Variants in PLCB1 observed in about 807,000 individuals in gnomAD.
PLCB1 encodes the protein 1-phosphatidylinositol 4,5-bisphosphate phosphodiesterase beta-1.
A neutral mutation model predicts 161.8 loss-of-function variants in PLCB1; 46 were observed. That is an observed-to-expected ratio of 0.28 (90% CI 0.22 to 0.36). The LOEUF is 0.36. Ranked by LOEUF, PLCB1 falls within the 10% of genes least tolerant of loss-of-function variation. The pLI is 1.00. For synonymous variants in PLCB1, 517 were observed against 503.7 expected (o/e 1.03, Z -0.35); for missense variants, 1,016 against 1,472.5 (o/e 0.69, Z 5.07).
chr20:8,151,601 C>G (rs181898122), intron 2 of PLCB1, among the ~76,000 whole-genome samples: 1 of 152,112 alleles, frequency 6.6e-6, no homozygotes, highest in Non-Finnish European at 1.5e-5. Context: ...GTGTTAATCG[C>G]TTTGGCTTAG....
chr20:8,828,977 C>G (rs1985849450), intron 31 of PLCB1, among the ~76,000 whole-genome samples: 2 of 152,060 alleles, frequency 1.3e-5, no homozygotes, highest in Non-Finnish European at 2.9e-5. Context: ...ATAAAGTATT[C>G]TTATTGATGC....
Position 8,572,734 on chromosome 20 carries a change from G to A in PLCB1, c.247-55560G>A, listed in dbSNP as rs539905243. 1.3e-5 allele frequency among the ~76,000 whole-genome samples: 2 copies of A among 152,306 alleles called. 1 individual carries two copies. The highest frequency in any genetic ancestry group is 4.1e-4 in the South Asian group (2 of 4,832). On this transcript the variant is annotated intron_variant, in intron 3 of 31. Coordinates refer to ENST00000338037, the MANE Select transcript of PLCB1 (RefSeq NM_015192.4). ...AACACAAGCTCAAAGATAAAATGAT[G>A]GAGAATTTCAGGACAATGACTGCAG...
chr20:8,458,056 A>G (rs1483978786), intron 3 of PLCB1, among the ~76,000 whole-genome samples: 1 of 152,210 alleles, frequency 6.6e-6, no homozygotes, highest in East Asian at 1.9e-4. Flanking sequence ...GGTTCCAGGT[A>G]CGCTGTGGCA....
At chr20:8,774,287 G>T (rs541809543) in intron 26 of PLCB1, among the ~76,000 whole-genome samples, 9 of 152,058 alleles carry the variant, frequency 5.9e-5, no homozygotes, top group Non-Finnish European at 1.3e-4. Context: ...CATGCCTAGG[G>T]CCCCCAGCCT....
intron 3 of PLCB1, among the ~76,000 whole-genome samples, chr20:8,527,409 A>G (rs146483410): frequency 2.0e-5 from 3 of 152,228 alleles, no homozygotes; most frequent in East Asian, 3.9e-4. Flanking sequence ...AACAGCATGG[A>G]TTCAATAACT....
intron 31 of PLCB1, among the ~76,000 whole-genome samples, chr20:8,858,912 C>CAAAATAAAAAAAAA (rs1987157944): frequency 9.0e-6 from 1 of 111,564 alleles, no homozygotes. Flanking sequence ...TTTGAGTGTG[C>CAAAATAAAAAAAAA]AAAAAAAAAA....
At chr20:8,147,855 A>C (rs566769132) in intron 1 of PLCB1, among the ~76,000 whole-genome samples, 1 of 151,354 alleles carries the variant, frequency 6.6e-6, no homozygotes, top group Non-Finnish European at 1.5e-5. Context: ...AGTGTTCCTA[A>C]ATATAAATTT....
chr20:8,792,771 T>C, intron 31 of PLCB1: 1 of 381,594 alleles, frequency 2.6e-6, no homozygotes. Context: ...ATTAATAAAA[T>C]AATAAATCAT....
intron 3 of PLCB1, among the ~76,000 whole-genome samples, chr20:8,444,781 G>A (rs1047330573): frequency 3.3e-5 from 5 of 152,108 alleles, no homozygotes; most frequent in African/African-American, 1.2e-4. Flanking sequence ...GTTTTGATTT[G>A]CATTTCTCTG....
chr20:8,260,565 T>C (rs1400261882), intron 2 of PLCB1, among the ~76,000 whole-genome samples: 2 of 152,110 alleles, frequency 1.3e-5, no homozygotes, highest in Non-Finnish European at 2.9e-5. Flanking sequence ...GGATGGCCTG[T>C]GACCAGTGTG....
chr20:8,764,776 A>G (rs923178974), intron 25 of PLCB1, among the ~76,000 whole-genome samples: 1 of 152,108 alleles, frequency 6.6e-6, no homozygotes, highest in African/African-American at 2.4e-5. Flanking sequence ...TCCTTCTGAG[A>G]CCACACCCTT....
At chr20:8,633,145 C>T (rs1988653784) in intron 4 of PLCB1, among the ~76,000 whole-genome samples, 1 of 109,988 alleles carries the variant, frequency 9.1e-6, no homozygotes, top group Non-Finnish European at 1.9e-5. Context: ...CACACACACA[C>T]ACATATTATA....
intron 3 of PLCB1, among the ~76,000 whole-genome samples, chr20:8,443,523 G>C (rs538575454): frequency 2.6e-4 from 39 of 152,252 alleles, no homozygotes; most frequent in Middle Eastern, 3.4e-3. Context: ...TCTGTTTGGT[G>C]CCCCAACTTC....
intron 3 of PLCB1, among the ~76,000 whole-genome samples, chr20:8,508,474 C>T (rs892557830): frequency 3.9e-5 from 6 of 152,140 alleles, no homozygotes; most frequent in Admixed American, 1.3e-4. Context: ...ACTCAAGTTC[C>T]GGTTGTTCAT....
intron 31 of PLCB1, among the ~76,000 whole-genome samples, chr20:8,842,665 C>G (rs1054788440): frequency 3.9e-5 from 6 of 152,116 alleles, no homozygotes; most frequent in Non-Finnish European, 8.8e-5. Flanking sequence ...TAAGGGCCTA[C>G]AGCTCTAAGG....
intron 31 of PLCB1, among the ~76,000 whole-genome samples, chr20:8,812,304 C>T (rs1418894535): frequency 2.0e-5 from 3 of 152,088 alleles, no homozygotes; most frequent in Non-Finnish European, 2.9e-5. Context: ...GGCGAAAATC[C>T]GGAAGATTCT....
intron 2 of PLCB1, among the ~76,000 whole-genome samples, chr20:8,289,892 A>G (rs1983306933): frequency 6.6e-6 from 1 of 152,230 alleles, no homozygotes; most frequent in Non-Finnish European, 1.5e-5. Flanking sequence ...AGTGAGTGCC[A>G]GTGCCTAATA....
intron 3 of PLCB1, among the ~76,000 whole-genome samples, chr20:8,417,608 A>G (rs1371708673): frequency 6.6e-6 from 1 of 152,154 alleles, no homozygotes; most frequent in Admixed American, 6.5e-5. Flanking sequence ...ATACAGGCAA[A>G]CAAATGACTA....
At chr20:8,854,338 G>A (rs1177946413) in intron 31 of PLCB1, among the ~76,000 whole-genome samples, 1 of 152,062 alleles carries the variant, frequency 6.6e-6, no homozygotes, top group African/African-American at 2.4e-5. Context: ...CAGGCCTCAG[G>A]GGCTCTGAAC....
Sources: allele counts gnomAD v4.1 joint callset (sites outside exome capture counted in the v4.1 genomes callset), GRCh38; gene constraint gnomAD v4.1.1; transcripts MANE v1.5; gene names NCBI Gene and HGNC (gene_info 2026-07-23, HGNC 2026-07-21).